The following FCMR variants were observed in gnomAD, a reference collection of about 807,000 sequenced individuals.
FCMR encodes Fc mu receptor.
A neutral mutation model predicts 41.6 loss-of-function variants in FCMR; 34 were observed. The observed-to-expected ratio is 0.82, with a 90% CI of 0.62 to 1.09. The LOEUF (loss-of-function observed/expected upper bound fraction) is 1.09. Among genes scored for constraint, FCMR ranks in the 50% least tolerant of loss-of-function variants. The pLI is 0.00. For missense variants in FCMR, 496 were observed against 512.5 expected, an observed-to-expected ratio of 0.97 and a Z score of 0.31; for synonymous variants, 209 against 211.8, an observed-to-expected ratio of 0.99 and a Z score of 0.12.
chr1:206,908,325 C>T (rs1572618275), intron 7 of FCMR: 4 of 651,582 alleles, frequency 6.1e-6, no homozygotes, highest in Non-Finnish European at 8.0e-6. Context: ...AGCAGCAGTC[C>T]GGGTGCCACA....
chr1:206,907,104 G>GGGGGGGGGGT (rs1678692453), intron 7 of FCMR, among the ~76,000 whole-genome samples: 1 of 14,532 alleles, frequency 6.9e-5, no homozygotes. Context: ...GTGGGGGGGT[G>GGGGGGGGGGT]GGGGGGGGGT....
intron 1 of FCMR, among the ~76,000 whole-genome samples, chr1:206,919,826 C>T (rs1185451652): frequency 6.6e-6 from 1 of 152,158 alleles, no homozygotes; most frequent in East Asian, 1.9e-4. Context: ...CCTCCTCAGG[C>T]CTAAGTTTAG....
rs574923219 is a variant in FCMR at position 206,915,778 on chromosome 1, A to G, written c.38-1684T>C. On this transcript the variant is annotated intron_variant, in intron 1 of 7. Coordinates refer to ENST00000367091, the MANE Select transcript of FCMR (RefSeq NM_005449.5). ...TCCGGGATATGAGAGAGAACATAGC[A>G]TGTCCATGGGCGGAGAGACATTTGC... Among the ~76,000 whole-genome samples the G allele has an allele frequency of 2.6e-5, 4 of 152,332 alleles. No homozygotes were observed. In the South Asian group the frequency reaches 8.3e-4, roughly 32 times the overall value.
At chr1:206,911,535 A>G (rs971526392) in intron 4 of FCMR, among the ~76,000 whole-genome samples, 195 bp downstream of exon 4, 1 of 152,222 alleles carries the variant, frequency 6.6e-6, no homozygotes, top group African/African-American at 2.4e-5. Flanking sequence ...TTTCTACAGG[A>G]TCAATGCTGG....
chr1:206,912,895 C>A (rs753735963), intron 3 of FCMR, 34 bp downstream of exon 3: 1 of 1,407,714 alleles, frequency 7.1e-7, no homozygotes, highest in Non-Finnish European at 1.0e-6. Context: ...CAGCATCTCA[C>A]CCACCTCTCC....
At chr1:206,907,214 C>T (rs1426094163) in intron 7 of FCMR, among the ~76,000 whole-genome samples, 2 of 150,744 alleles carry the variant, frequency 1.3e-5, no homozygotes, top group Non-Finnish European at 3.0e-5. Flanking sequence ...GATTAAATTT[C>T]TCAGCCTGCC....
intron 7 of FCMR, among the ~76,000 whole-genome samples, chr1:206,907,154 C>T (rs1194802257): frequency 7.0e-6 from 1 of 143,396 alleles, no homozygotes; most frequent in Non-Finnish European, 1.5e-5. Context: ...CCTCTTGTTG[C>T]TGGGTACCAC....
intron 1 of FCMR, chr1:206,921,463 T>A (rs1226762180): frequency 2.3e-6 from 1 of 430,024 alleles, no homozygotes. Context: ...TAGCTGGGCA[T>A]GGTGGCATGC....
chr1:206,912,111 C>T (rs917526474), intron 3 of FCMR, among the ~76,000 whole-genome samples, 159 bp from the exon 4 acceptor site: 4 of 152,178 alleles, frequency 2.6e-5, no homozygotes, highest in Admixed American at 6.5e-5. Flanking sequence ...AACATGCTAT[C>T]TAGGCCTACT....
At chr1:206,905,851 T>C (rs1678615220) in intron 7 of FCMR, 1 of 162,206 alleles carries the variant, frequency 6.2e-6, no homozygotes, top group Non-Finnish European at 1.3e-5. Context: ...GAAGTACTCA[T>C]TGAAAGGAAC....
chr1:206,910,442 G>T, intron 4 of FCMR, 102 bp from the exon 5 acceptor site: 2 of 950,068 alleles, frequency 2.1e-6, no homozygotes, highest in South Asian at 2.6e-5. Context: ...ATGACTTACA[G>T]GTTTGTCCTT....
Position 206,904,139 on chromosome 1 carries a change from C to T in FCMR, c.*880G>A, listed in dbSNP as rs1362364126. The T allele has an allele frequency of 6.6e-6, 1 of 152,248 alleles. No individual in the cohort carries two copies. The highest frequency in any genetic ancestry group is 1.5e-5 in the Non-Finnish European group (1 of 68,054). The allele number at this position is 152,248 out of a possible 1,614,324, so 9.4% of individuals were successfully genotyped here. A position where few individuals can be genotyped will look rare whatever the true frequency, so the allele number is the denominator to read the frequency against. ...CACCCAGGAACTCCTGACTGCTTTC[C>T]TTCCCCTGCTTGCTATACATTGTCT... On this transcript the variant is annotated 3_prime_UTR_variant, in exon 8 of 8. Transcript: ENST00000367091.
In FCMR at chr1:206,914,006, C is replaced by T. The variant is rs1393194498; in HGVS notation, c.126G>A (p.Met42Ile). 1.2e-6 allele frequency: 2 copies of T among 1,614,224 alleles called. No homozygotes were observed. The highest frequency in any genetic ancestry group is 4.5e-5 in the East Asian group (2 of 44,888). ...CCCGGCACAGATATATCCTCACATG[C>T]ATTTCAGGAAGTGGGCACTTGATGG... is the stretch of plus-strand genomic sequence containing the variant. The part of the protein sequence containing the change: ...SVTIKCPLPE[M>I]HVRIYLCREM... The change falls in exon 2 of 8, where the codon ATG becomes ATA. Residue 42 changes from methionine to isoleucine, a missense_variant. By Grantham distance (10) the Met-to-Ile change is conservative (BLOSUM62 1). Transcript: ENST00000367091.
chr1:206,913,961 T>C lies in FCMR; in HGVS notation c.171A>G (p.Thr57=), dbSNP rs569896475. The C allele has an allele frequency of 1.4e-5, 22 of 1,614,228 alleles. No individual in the cohort carries two copies. In the East Asian group the frequency reaches 4.9e-4, roughly 36 times the overall value. Residue 57 remains threonine (T), a synonymous_variant, in exon 2 of 8, where the codon ACA becomes ACG. Transcript: ENST00000367091. Reference sequence around the variant, plus strand: ...TGGTGGTGGATACCACGGTACCACATGTTCCAGATCCAGCCATCTCCCGGC... The same window carrying C: ...TGGTGGTGGATACCACGGTACCACACGTTCCAGATCCAGCCATCTCCCGGC... ...YLCREMAGSG[T]CGTVVSTTNF...
rs868667214 is a variant in FCMR, at chr1:206,904,669, T to C, written c.*350A>G. 1 of 276,702 alleles carries C rather than the reference T, an allele frequency of 3.6e-6. No individual in the cohort carries two copies. Among genetic ancestry groups the C allele is most frequent in the South Asian group, 4.1e-5 (1 of 24,528 alleles). The allele number at this position is 276,702 out of a possible 1,614,324, so 17.1% of individuals were successfully genotyped here. A position where few individuals can be genotyped will look rare whatever the true frequency, so the allele number is the denominator to read the frequency against. On this transcript the variant is annotated 3_prime_UTR_variant, in exon 8 of 8. Coordinates refer to ENST00000367091, the MANE Select transcript of FCMR (RefSeq NM_005449.5). ...GCCTCTGCCCCAGCCTGATGCCATG[T>C]GATCTAGAGCCTGGGCAGCAACAAC...
intron 1 of FCMR, among the ~76,000 whole-genome samples, chr1:206,914,437 C>CTTT (rs572538296): frequency 4.7e-4 from 49 of 105,286 alleles, no homozygotes; most frequent in Non-Finnish European, 7.1e-4. Flanking sequence ...CCTTTCTTTT[C>CTTT]TTTTTTTTTT....
chr1:206,921,738 A>G, intron 1 of FCMR, 80 bp downstream of exon 1: 1 of 1,323,356 alleles, frequency 7.6e-7, no homozygotes, highest in Non-Finnish European at 1.1e-6. Flanking sequence ...CATCAGAGCT[A>G]GAGCTACCAG....
At chr1:206,915,790 G>A (rs563606956) in intron 1 of FCMR, among the ~76,000 whole-genome samples, 1 of 152,218 alleles carries the variant, frequency 6.6e-6, no homozygotes, top group South Asian at 2.1e-4. Context: ...GTCCATGGGC[G>A]GAGAGACATT....
intron 1 of FCMR, among the ~76,000 whole-genome samples, chr1:206,919,102 A>C (rs921886100): frequency 6.6e-6 from 1 of 152,044 alleles, no homozygotes; most frequent in Non-Finnish European, 1.5e-5. Flanking sequence ...CCCACAGCAC[A>C]AGGGTCCTGG....
Sources: gnomAD v4.1 joint callset for allele counts (sites outside exome capture counted in the v4.1 genomes callset) on GRCh38, gnomAD v4.1.1 for gene constraint, MANE v1.5 for transcripts, NCBI Gene and HGNC (gene_info 2026-07-23, HGNC 2026-07-21) for gene names.